Variants in NRXN3 observed in about 807,000 individuals in gnomAD.
NRXN3 encodes the protein neurexin III.
A neutral mutation model predicts 137.6 loss-of-function variants in NRXN3; 32 were observed. That is an observed-to-expected ratio of 0.23 (90% CI 0.18 to 0.31). The LOEUF is 0.31. Among genes scored for constraint, NRXN3 ranks in the 10% least tolerant of loss-of-function variants. The pLI is 1.00. For synonymous variants in NRXN3, 798 were observed against 784.5 expected (o/e 1.02, Z -0.29); for missense variants, 1,574 against 2,062.5 (o/e 0.76, Z 4.59).
At chr14:79,175,073 C>T (rs1260309679) in intron 15 of NRXN3, among the ~76,000 whole-genome samples, 3 of 150,978 alleles carry the variant, frequency 2.0e-5, no homozygotes, top group African/African-American at 7.3e-5. Context: ...CTCCGTCTCC[C>T]GGGTTCACGC....
At chr14:79,101,631 A>G (rs2051315865) in intron 15 of NRXN3, among the ~76,000 whole-genome samples, 1 of 152,126 alleles carries the variant, frequency 6.6e-6, no homozygotes. Context: ...CATCTTCTCC[A>G]TCCTGTGTGC....
At chr14:78,897,620 TG>T (rs2099181320) in intron 10 of NRXN3, among the ~76,000 whole-genome samples, 1 of 151,884 alleles carries the variant, frequency 6.6e-6, no homozygotes, top group African/African-American at 2.4e-5. Flanking sequence ...CAAACGTTTT[TG>T]GCAGTCCTAT....
intron 4 of NRXN3, among the ~76,000 whole-genome samples, chr14:78,502,870 G>C (rs2095906374): frequency 6.6e-6 from 1 of 152,170 alleles, no homozygotes; most frequent in South Asian, 2.1e-4. Context: ...GTGGTTGGCT[G>C]CTCTTAAGAT....
intron 16 of NRXN3, among the ~76,000 whole-genome samples, chr14:79,626,776 G>A (rs1246954125): frequency 6.6e-6 from 1 of 152,204 alleles, no homozygotes; most frequent in African/African-American, 2.4e-5. Context: ...AGCCCTAATA[G>A]TATGCTTTCC....
At chr14:78,511,723 A>G (rs1297382319) in intron 4 of NRXN3, among the ~76,000 whole-genome samples, 4 of 152,208 alleles carry the variant, frequency 2.6e-5, no homozygotes, top group Admixed American at 6.5e-5. Flanking sequence ...CAGATTTCCT[A>G]TCAGCTATTT....
At chr14:78,572,896 T>A (rs2096902673) in intron 4 of NRXN3, among the ~76,000 whole-genome samples, 1 of 152,204 alleles carries the variant, frequency 6.6e-6, no homozygotes, top group South Asian at 2.1e-4. Context: ...AATTGGTGAC[T>A]GATATGGTCT....
intron 4 of NRXN3, among the ~76,000 whole-genome samples, chr14:78,409,625 T>C (rs2092707667): frequency 1.3e-5 from 2 of 152,234 alleles, no homozygotes; most frequent in South Asian, 4.1e-4. Flanking sequence ...CAGAAAGTGT[T>C]CAGTATAATT....
At chr14:78,601,374 A>G (rs1029317365) in intron 4 of NRXN3, among the ~76,000 whole-genome samples, 3 of 152,130 alleles carry the variant, frequency 2.0e-5, no homozygotes, top group African/African-American at 4.8e-5. Context: ...CTTTATGACC[A>G]TACATTTCCT....
At chr14:79,854,085 G>A (rs2141808935) in intron 20 of NRXN3, 1 of 983,786 alleles carries the variant, frequency 1.0e-6, no homozygotes, top group East Asian at 1.1e-4. Context: ...TTGCTCAAAA[G>A]TTTTTAAGAA....
At chr14:79,561,675 TCGTTG>T (rs1259850871) in intron 16 of NRXN3, among the ~76,000 whole-genome samples, 1 of 152,150 alleles carries the variant, frequency 6.6e-6, no homozygotes, top group African/African-American at 2.4e-5. Flanking sequence ...TTGACTGATC[TCGTTG>T]CGTTTCCTCA....
At chr14:79,520,906 G>A (rs1034598752) in intron 16 of NRXN3, among the ~76,000 whole-genome samples, 2 of 152,098 alleles carry the variant, frequency 1.3e-5, no homozygotes, top group Non-Finnish European at 2.9e-5. Flanking sequence ...ACCCAGCAAT[G>A]CCATTACTGG....
At chr14:78,456,939 C>CCCTTCCCTTCCCTTCCTT (rs2094752062) in intron 4 of NRXN3, among the ~76,000 whole-genome samples, 1 of 148,404 alleles carries the variant, frequency 6.7e-6, no homozygotes, top group African/African-American at 2.5e-5. Context: ...CTCCCTTCCT[C>CCCTTCCCTTCCCTTCCTT]CCTTCCCTTC....
intron 8 of NRXN3, among the ~76,000 whole-genome samples, chr14:78,737,870 G>T (rs1180167844): frequency 6.6e-6 from 1 of 152,090 alleles, no homozygotes; most frequent in African/African-American, 2.4e-5. Context: ...AGTAGGTACT[G>T]CTTACCTGCT....
chr14:78,424,272 C>T (rs560401447), intron 4 of NRXN3, among the ~76,000 whole-genome samples: 4 of 152,322 alleles, frequency 2.6e-5, no homozygotes, highest in Admixed American at 6.5e-5. Context: ...TGTCTTCTTT[C>T]CTTGCTAGTC....
chr14:79,514,045 C>A (rs546652180), intron 16 of NRXN3, among the ~76,000 whole-genome samples: 1 of 152,086 alleles, frequency 6.6e-6, no homozygotes, highest in African/African-American at 2.4e-5. Context: ...CTACATCATG[C>A]AACCTGCTTC....
chr14:79,273,462 G>A (rs1391518781), intron 15 of NRXN3, among the ~76,000 whole-genome samples: 3 of 151,672 alleles, frequency 2.0e-5, no homozygotes, highest in African/African-American at 4.8e-5. Flanking sequence ...GTGAAACCCC[G>A]TCTCTACTCA....
At chr14:78,835,679 G>A (rs2098994677) in intron 10 of NRXN3, among the ~76,000 whole-genome samples, 1 of 152,054 alleles carries the variant, frequency 6.6e-6, no homozygotes, top group Non-Finnish European at 1.5e-5. Context: ...TTTCTGTTGG[G>A]AGACTCAGCT....
chr14:79,001,730 C>T lies in NRXN3; in HGVS notation c.3262+13589C>T, dbSNP rs144300383. The stretch of plus-strand genomic sequence containing the variant: ...GGCATCTAAAGGGAATTAGCGTGGA[C>T]CTGAGAGTAAAAGGTCAGTTCAAGT... On this transcript the variant is annotated intron_variant, in intron 15 of 20. Coordinates refer to ENST00000335750, the MANE Select transcript of NRXN3 (RefSeq NM_001330195.2). Among the ~76,000 whole-genome samples the T allele has an allele frequency of 2.7e-3, 411 of 152,272 alleles. 4 individuals are homozygous for T. Among genetic ancestry groups the T allele is most frequent in the African/African-American group, 9.5e-3 (394 of 41,546 alleles).
chr14:78,478,452 TATTG>T (rs1197192248), intron 4 of NRXN3, among the ~76,000 whole-genome samples: 1 of 152,104 alleles, frequency 6.6e-6, no homozygotes, highest in Non-Finnish European at 1.5e-5. Flanking sequence ...TTATTAATAA[TATTG>T]ATTATCTCTC....
Sources: gnomAD v4.1 joint callset for allele counts (sites outside exome capture counted in the v4.1 genomes callset) on GRCh38, gnomAD v4.1.1 for gene constraint, MANE v1.5 for transcripts, NCBI Gene and HGNC (gene_info 2026-07-23, HGNC 2026-07-21) for gene names.